ST8SIA2: variants seen among roughly 807,000 people sequenced by gnomAD.
The protein encoded by ST8SIA2 is alpha-2,8-sialyltransferase 8B.
Under a neutral mutation model 37.6 loss-of-function variants are expected in ST8SIA2, and 22 were observed. The ratio of observed to expected loss-of-function variants is 0.58; its 90% confidence interval spans 0.42 to 0.83. The LOEUF is 0.83. Among genes scored for constraint, ST8SIA2 ranks in the 40% least tolerant of loss-of-function variants. ST8SIA2 has a pLI of 0.00. For synonymous variants in ST8SIA2, 205 were observed against 201.2 expected (o/e 1.02, Z -0.16); for missense variants, 382 against 484.7 (o/e 0.79, Z 1.99).
At chr15:92,408,742 G>T (rs866623735) in intron 1 of ST8SIA2, among the ~76,000 whole-genome samples, 1 of 151,100 alleles carries the variant, frequency 6.6e-6, no homozygotes, top group Non-Finnish European at 1.5e-5. Context: ...GTCTCACTCT[G>T]TCGCCCAGGC....
chr15:92,433,846 T>A (rs1345650798), intron 2 of ST8SIA2, among the ~76,000 whole-genome samples: 1 of 152,180 alleles, frequency 6.6e-6, no homozygotes, highest in Non-Finnish European at 1.5e-5. Flanking sequence ...TGAGTTCTTG[T>A]TTTCTCTTTT....
rs74422474 is a variant in ST8SIA2 at position 92,400,839 on chromosome 15, G to A, written c.98+6677G>A. 2.7e-4 allele frequency among the ~76,000 whole-genome samples: 41 copies of A among 152,280 alleles called. No individual in the cohort carries two copies. The East Asian group carries it at 6.2e-3, about 23-fold the overall frequency. On this transcript the variant is annotated intron_variant, in intron 1 of 5. Transcript: ENST00000268164. Reference sequence around the variant, plus strand: ...GTGGCGTTGAGAGCAGACCAGGAACGCAGGGCCAGCTGTTTCCGTGCAAGG... The same window carrying A: ...GTGGCGTTGAGAGCAGACCAGGAACACAGGGCCAGCTGTTTCCGTGCAAGG...
intron 2 of ST8SIA2, among the ~76,000 whole-genome samples, chr15:92,433,409 G>T (rs560464947): frequency 6.6e-6 from 1 of 152,300 alleles, no homozygotes; most frequent in Admixed American, 6.5e-5. Flanking sequence ...TTTAAAGATA[G>T]AATTGTAACC....
At position 92,464,277 on chromosome 15, in the gene ST8SIA2, C is replaced by T; in HGVS notation, c.1020C>T (p.Thr340=). Residue 340 remains threonine (T), a synonymous_variant, in exon 6 of 6, where the codon ACC becomes ACT. Transcript: ENST00000268164. The part of the protein sequence containing the change: ...HYYDSLKYGY[T]SQASPHTMPL... ...ATGACAGCCTCAAGTATGGCTACAC[C>T]TCCCAGGCCAGCCCGCATACCATGC... 6.2e-7 allele frequency: 1 copy of T among 1,613,980 alleles called. No individual in the cohort carries two copies. Among genetic ancestry groups the T allele is most frequent in the Non-Finnish European group, 8.5e-7 (1 of 1,180,016 alleles).
At chr15:92,457,929 A>G (rs923460877) in intron 5 of ST8SIA2, among the ~76,000 whole-genome samples, 14 of 152,168 alleles carry the variant, frequency 9.2e-5, no homozygotes, top group Admixed American at 4.6e-4. Flanking sequence ...CTGGCCCCAG[A>G]TCTGAGAGGT....
chr15:92,466,102 G>T lies in ST8SIA2; in HGVS notation c.*1717G>T, dbSNP rs2049990028. The T allele has an allele frequency of 1.3e-5, 2 of 152,140 alleles. No homozygotes were observed. Among genetic ancestry groups the T allele is most frequent in the South Asian group, 2.1e-4 (1 of 4,814 alleles). 9.4% of individuals were successfully genotyped at this position (152,140 alleles called of 1,614,324 possible). The stretch of plus-strand genomic sequence containing the variant: ...ATTAATGGTTGACCGGAAGGGATTG[G>T]AGGCGGCAGAACCATTAACCCTACA... On this transcript the variant is annotated 3_prime_UTR_variant, in exon 6 of 6. Transcript: ENST00000268164.
intron 5 of ST8SIA2, among the ~76,000 whole-genome samples, chr15:92,453,140 G>A (rs933248185): frequency 3.9e-5 from 6 of 152,096 alleles, no homozygotes; most frequent in East Asian, 1.9e-4. Context: ...TCAAATCCAC[G>A]TATATAGGCA....
chr15:92,441,153 C>T lies in ST8SIA2; in HGVS notation c.548+2543C>T, dbSNP rs1333097725. ...CCTCTGTGGGAGAAACACAAAGACA[C>T]GCAAGACCTCACCCCCTCTCAGAAA... On this transcript the variant is annotated intron_variant, in intron 4 of 5. Transcript: ENST00000268164. Among the ~76,000 whole-genome samples the T allele has an allele frequency of 3.9e-5, 6 of 152,246 alleles. No homozygotes were observed. The East Asian group carries it at 5.8e-4, about 15-fold the overall frequency.
chr15:92,434,494 AG>A, intron 3 of ST8SIA2, 119 bp downstream of exon 3: 1 of 1,452,884 alleles, frequency 6.9e-7, no homozygotes, highest in Non-Finnish European at 9.5e-7. Flanking sequence ...CCTCCCACTG[AG>A]GCAGGTTTCA....
At chr15:92,414,550 C>G (rs1230364227) in intron 1 of ST8SIA2, among the ~76,000 whole-genome samples, 1 of 152,234 alleles carries the variant, frequency 6.6e-6, no homozygotes, top group African/African-American at 2.4e-5. Flanking sequence ...CGATGCTTAA[C>G]ATCTCTAAGT....
At position 92,445,129 on chromosome 15, in the gene ST8SIA2, C is replaced by T; in HGVS notation, c.842+200C>T. 9.9e-6 allele frequency: 7 copies of T among 704,584 alleles called. 1 individual carries two copies. The South Asian group carries it at 1.2e-4, about 12-fold the overall frequency. 43.6% of individuals were successfully genotyped at this position (704,584 alleles called of 1,614,324 possible). A position where few individuals can be genotyped will look rare whatever the true frequency, so the allele number is the denominator to read the frequency against. ...TGGCAAGTGGGTTTCATCTGGCATG[C>T]CAATTTTGACCAATGGGTAGTGCCT... On this transcript the variant is annotated intron_variant, in intron 5 of 5. Coordinates refer to ENST00000268164, the MANE Select transcript of ST8SIA2 (RefSeq NM_006011.4).
chr15:92,454,034 C>T (rs74802744), intron 5 of ST8SIA2, among the ~76,000 whole-genome samples: 3 of 152,320 alleles, frequency 2.0e-5, no homozygotes, highest in East Asian at 3.9e-4. Context: ...GCGAACCCCC[C>T]ATTACTGAGG....
At chr15:92,460,412 G>C (rs1815825476) in intron 5 of ST8SIA2, among the ~76,000 whole-genome samples, 1 of 152,188 alleles carries the variant, frequency 6.6e-6, no homozygotes, top group Non-Finnish European at 1.5e-5. Context: ...AGTTTAGGAG[G>C]GGGTGAGCTC....
chr15:92,430,878 G>T (rs997693735), intron 2 of ST8SIA2, among the ~76,000 whole-genome samples: 2 of 152,152 alleles, frequency 1.3e-5, no homozygotes, highest in African/African-American at 4.8e-5. Context: ...TCCTATTTTG[G>T]TCATTGTGGG....
At chr15:92,417,759 G>A (rs1479700602) in intron 1 of ST8SIA2, 1 of 152,214 alleles carries the variant, frequency 6.6e-6, no homozygotes, top group Non-Finnish European at 1.5e-5. Flanking sequence ...GTCAATAATG[G>A]ACGCTGAGTA....
intron 5 of ST8SIA2, among the ~76,000 whole-genome samples, chr15:92,456,496 GA>G (rs924799683): frequency 5.3e-5 from 8 of 152,224 alleles, no homozygotes; most frequent in Admixed American, 5.2e-4. Flanking sequence ...TGTAGGGAAG[GA>G]AAAGAAAAGT....
chr15:92,440,813 G>A (rs1020124170), intron 4 of ST8SIA2, among the ~76,000 whole-genome samples: 16 of 152,340 alleles, frequency 1.1e-4, no homozygotes, highest in African/African-American at 3.8e-4. Flanking sequence ...CACACTAACA[G>A]TAAAGAGAGC....
chr15:92,418,665 T>TTTGA (rs1387866612), intron 1 of ST8SIA2, among the ~76,000 whole-genome samples: 4 of 152,118 alleles, frequency 2.6e-5, no homozygotes, highest in African/African-American at 9.7e-5. Context: ...CAGAGTGAAC[T>TTTGA]TTGATTGAGG....
chr15:92,419,637 G>T (rs1458082631), intron 1 of ST8SIA2, among the ~76,000 whole-genome samples: 1 of 152,158 alleles, frequency 6.6e-6, no homozygotes, highest in Non-Finnish European at 1.5e-5. Context: ...GCCCAGGCTC[G>T]TTGTATAGTA....
Sources: allele counts gnomAD v4.1 joint callset (sites outside exome capture counted in the v4.1 genomes callset), GRCh38; gene constraint gnomAD v4.1.1; transcripts MANE v1.5; gene names NCBI Gene and HGNC (gene_info 2026-07-23, HGNC 2026-07-21).